Variants in COL6A3 observed in about 807,000 individuals in gnomAD.
COL6A3 encodes the protein collagen type VI alpha 3 chain.
Under a neutral mutation model 274.1 loss-of-function variants are expected in COL6A3, and 137 were observed. That is an observed-to-expected ratio of 0.50 (90% CI 0.44 to 0.58). The LOEUF (loss-of-function observed/expected upper bound fraction) is 0.58. COL6A3 is among the 20% of genes least tolerant of loss of function. The pLI, the probability that COL6A3 is intolerant of heterozygous loss-of-function variation, is 0.00. For missense variants in COL6A3, 3,950 were observed against 4,124.9 expected (o/e 0.96, Z 1.16); for synonymous variants, 1,650 against 1,650.6 (o/e 1.00, Z 0.01).
In COL6A3 at chr2:237,377,213, C is replaced by T. The variant is rs1235853487; in HGVS notation, c.2629G>A (p.Val877Met). 2 of 1,613,686 alleles carry T rather than the reference C, an allele frequency of 1.2e-6. No individual in the cohort carries two copies. Among genetic ancestry groups the T allele is most frequent in the Non-Finnish European group, 1.7e-6 (2 of 1,180,036 alleles). ...TTGACATCATCGCTGTACTGAGCCA[C>T]CGCAATTCGGGTCCCCTCTGGCTTC... Reference protein sequence around the residue: ...NVKPEGTRIAVAQYSDDVKVE... With the variant: ...NVKPEGTRIAMAQYSDDVKVE... Residue 877 changes from valine to methionine, a missense_variant, in exon 7 of 44, where the codon GTG (valine) becomes ATG (methionine). Around this residue, in one of 5 missense-constraint regions of COL6A3, gnomAD observed 1,934 missense variants for 1,984.3 expected, o/e 0.97. Coordinates refer to ENST00000295550, the MANE Select transcript of COL6A3 (RefSeq NM_004369.4).
intron 25 of COL6A3, 43 bp downstream of exon 25, chr2:237,353,298 G>C (rs143230562): frequency 3.2e-6 from 5 of 1,584,928 alleles, no homozygotes; most frequent in Non-Finnish European, 4.3e-6. Context: ...TAAATGATTT[G>C]TGAAATATCA....
chr2:237,348,400 A>T lies in COL6A3; in HGVS notation c.6931-16T>A. ...CTCTTTCTCCCTATAAAGGAAAAAT[A>T]GATTATTTAATACTTGGTTCTAATT... is the stretch of plus-strand genomic sequence containing the variant. On this transcript the variant is annotated splice_polypyrimidine_tract_variant and intron_variant, in intron 29 of 43. Coordinates refer to ENST00000295550, the MANE Select transcript of COL6A3 (RefSeq NM_004369.4). The T allele has an allele frequency of 2.5e-6, 4 of 1,579,898 alleles. No individual in the cohort carries two copies. Among genetic ancestry groups the T allele is most frequent in the Non-Finnish European group, 2.6e-6 (3 of 1,148,964 alleles).
At chr2:237,386,734 C>G (rs147203292) in intron 4 of COL6A3, 133 of 152,314 alleles carry the variant, frequency 8.7e-4, no homozygotes, top group African/African-American at 2.9e-3. Flanking sequence ...CACTGTGTCC[C>G]TGATTTACCA....
At chr2:237,359,530 T>C in intron 17 of COL6A3, 142 bp from the exon 18 acceptor site, 1 of 900,832 alleles carries the variant, frequency 1.1e-6, no homozygotes, top group Non-Finnish European at 1.9e-6. Context: ...GTCCTACCCC[T>C]TTGGATTCCT....
chr2:237,353,618 C>T (rs1013738398), intron 24 of COL6A3, among the ~76,000 whole-genome samples: 5 of 152,186 alleles, frequency 3.3e-5, no homozygotes, highest in Admixed American at 6.5e-5. Flanking sequence ...GTTCCTCACT[C>T]TTGCCTCACC....
At chr2:237,394,189 A>T (rs569403842) in intron 3 of COL6A3, among the ~76,000 whole-genome samples, 1 of 152,324 alleles carries the variant, frequency 6.6e-6, no homozygotes, top group Admixed American at 6.5e-5. Flanking sequence ...CTCCCGTCTC[A>T]GTTCACGCAC....
chr2:237,398,699 C>T (rs150033495), intron 1 of COL6A3, among the ~76,000 whole-genome samples: 156 of 152,298 alleles, frequency 1.0e-3, no homozygotes, highest in African/African-American at 3.2e-3. Context: ...AACATTTGAA[C>T]GAGAAGCTCA....
At chr2:237,398,316 C>T (rs944891682) in intron 1 of COL6A3, among the ~76,000 whole-genome samples, 2 of 152,230 alleles carry the variant, frequency 1.3e-5, no homozygotes, top group Admixed American at 6.5e-5. Context: ...GGGCCGCACA[C>T]ATGATGCCCC....
intron 20 of COL6A3, 95 bp from the exon 21 acceptor site, chr2:237,358,678 G>T: frequency 8.8e-7 from 1 of 1,138,126 alleles, no homozygotes; most frequent in Non-Finnish European, 1.3e-6. Flanking sequence ...ATCTTAACTA[G>T]AACAATGTTT....
intron 1 of COL6A3, among the ~76,000 whole-genome samples, chr2:237,404,024 G>T (rs1223558096): frequency 1.3e-5 from 2 of 151,238 alleles, no homozygotes; most frequent in Non-Finnish European, 2.9e-5. Context: ...ATTAAATAAT[G>T]ATATACACTT....
At chr2:237,353,113 C>T (rs1262463329) in intron 25 of COL6A3, among the ~76,000 whole-genome samples, 24 of 152,064 alleles carry the variant, frequency 1.6e-4, no homozygotes, top group Admixed American at 1.4e-3. Flanking sequence ...TCCAGGGACT[C>T]GGGGTGGAGG....
Position 237,325,612 on chromosome 2 carries a change from T to C in COL6A3, c.9441A>G (p.Gly3147=), listed in dbSNP as rs1298274655. ...TCTGTGATCCAAATTTGTTTTCGTT[T>C]CCACCACAACCTCCATACCAGAATC... ...CARFWYGGCG[G]NENKFGSQKE... Residue 3147 remains glycine, a synonymous_variant, in exon 43 of 44, where the codon GGA becomes GGG. Coordinates refer to ENST00000295550, the MANE Select transcript of COL6A3 (RefSeq NM_004369.4). 1.2e-6 allele frequency: 2 copies of C among 1,614,224 alleles called. No homozygotes were observed. Among genetic ancestry groups the C allele is most frequent in the Non-Finnish European group, 8.5e-7 (1 of 1,180,038 alleles).
At chr2:237,348,720 C>T in intron 28 of COL6A3, 57 bp from the exon 29 acceptor site, 1 of 1,486,602 alleles carries the variant, frequency 6.7e-7, no homozygotes. Flanking sequence ...ACCATAACCA[C>T]CGTCTCTGCC....
At chr2:237,387,327 A>ATTAGCT (rs2078168612) in intron 4 of COL6A3, among the ~76,000 whole-genome samples, 1 of 152,236 alleles carries the variant, frequency 6.6e-6, no homozygotes, top group African/African-American at 2.4e-5. Flanking sequence ...GGTTTGTTGA[A>ATTAGCT]TTAGCCTTAA....
Position 237,364,955 on chromosome 2 carries a change from T to A in COL6A3, c.5839-527A>T, listed in dbSNP as rs894740280. Among the ~76,000 whole-genome samples, 11 of 151,740 alleles carry A rather than the reference T, an allele frequency of 7.2e-5. No homozygotes were observed. The highest frequency in any genetic ancestry group is 2.4e-4 in the African/African-American group (10 of 41,286). On this transcript the variant is annotated intron_variant, in intron 12 of 43. Transcript: ENST00000295550. The surrounding 1 kb of genome is among the most constrained non-coding windows in gnomAD (Gnocchi z 4.6). The stretch of plus-strand genomic sequence containing the variant: ...CGTGTGTGCATGTGTGCATGTGTTA[T>A]GGGCTAAATTGTGTCCCCTCAAAAT...
At chr2:237,387,436 A>G (rs2078171460) in intron 4 of COL6A3, 146 bp downstream of exon 4, 2 of 1,216,222 alleles carry the variant, frequency 1.6e-6, no homozygotes, top group African/African-American at 1.5e-5. Flanking sequence ...CATGACATCC[A>G]GGACCCAGCT....
chr2:237,342,273 A>T, intron 36 of COL6A3, 112 bp from the exon 37 acceptor site: 1 of 810,286 alleles, frequency 1.2e-6, no homozygotes. Flanking sequence ...TAACTTCCCA[A>T]TAGGGCAGTA....
chr2:237,372,172 AC>A lies in COL6A3; in HGVS notation c.3844del (p.Val1282TrpfsTer5). On this transcript the variant is annotated frameshift_variant, in exon 9 of 44. Transcript: ENST00000295550. LOFTEE classifies it high-confidence loss of function. ...AVIQFSDDPK[V>X]EFLLNAHSSK... ...GGAATGGGCGTTCAGCAGGAACTCC[AC>A]CTTGGGGTCATCGCTGAACTGGATG... 2 of 1,614,086 alleles carry A rather than the reference AC, an allele frequency of 1.2e-6. No individual in the cohort carries two copies. Among genetic ancestry groups the A allele is most frequent in the Non-Finnish European group, 1.7e-6 (2 of 1,180,028 alleles).
At chr2:237,410,884 G>A (rs975221283) in intron 1 of COL6A3, among the ~76,000 whole-genome samples, 13 of 152,148 alleles carry the variant, frequency 8.5e-5, no homozygotes, top group Admixed American at 4.6e-4. Flanking sequence ...ATCTAGAAAC[G>A]GGAGAATGAA....
Sources: gnomAD v4.1 joint callset for allele counts (sites outside exome capture counted in the v4.1 genomes callset) on GRCh38, gnomAD v4.1.1 for gene constraint, gnomAD v4.1.1 regional missense constraint, Gnocchi (gnomAD v3.1) non-coding constraint, MANE v1.5 for transcripts, NCBI Gene and HGNC (gene_info 2026-07-23, HGNC 2026-07-21) for gene names.